COLEC10: variants seen among roughly 807,000 people sequenced by gnomAD.
The protein encoded by COLEC10 is collectin-10.
In COLEC10, 22 loss-of-function variants were observed where a neutral mutation model predicts 28.4. The ratio of observed to expected loss-of-function variants is 0.78; its 90% confidence interval spans 0.55 to 1.11. The LOEUF (loss-of-function observed/expected upper bound fraction) is 1.11. COLEC10 is among the 50% of genes least tolerant of loss of function. The pLI, the probability that COLEC10 is intolerant of heterozygous loss-of-function variation, is 0.00. For synonymous variants in COLEC10, 125 were observed against 116.1 expected (o/e 1.08, Z -0.49); for missense variants, 361 against 344.1 (o/e 1.05, Z -0.39).
intron 3 of COLEC10, among the ~76,000 whole-genome samples, chr8:119,094,940 G>T (rs1335653255): frequency 6.6e-6 from 1 of 152,144 alleles, no homozygotes; most frequent in East Asian, 1.9e-4. Context: ...GACTGGGAAT[G>T]AAATTAGCAC....
intron 2 of COLEC10, among the ~76,000 whole-genome samples, chr8:119,048,415 T>C (rs1814620221): frequency 6.6e-6 from 1 of 152,210 alleles, no homozygotes; most frequent in South Asian, 2.1e-4. Context: ...TTTTATGACT[T>C]GATAATCTAA....
At chr8:119,075,576 A>G (rs886479102) in intron 1 of COLEC10, among the ~76,000 whole-genome samples, 1 of 152,196 alleles carries the variant, frequency 6.6e-6, no homozygotes, top group African/African-American at 2.4e-5. Context: ...AGACACTTGT[A>G]TCTGTTAAAC....
chr8:119,016,142 T>C (rs1813987124), intron 2 of COLEC10, among the ~76,000 whole-genome samples: 1 of 152,112 alleles, frequency 6.6e-6, no homozygotes, highest in Admixed American at 6.6e-5. Flanking sequence ...AAGCCCCACA[T>C]GCATTAGGTA....
intron 1 of COLEC10, among the ~76,000 whole-genome samples, chr8:119,005,396 TAC>T (rs1169882673): frequency 2.0e-5 from 3 of 152,178 alleles, no homozygotes; most frequent in Non-Finnish European, 2.9e-5. Flanking sequence ...GTCCTCAAGC[TAC>T]ACAGTTTTTC....
At chr8:119,054,078 G>A (rs1814723866) in intron 2 of COLEC10, among the ~76,000 whole-genome samples, 1 of 152,002 alleles carries the variant, frequency 6.6e-6, no homozygotes, top group Non-Finnish European at 1.5e-5. Context: ...TATTACAACA[G>A]TATCTCTCAT....
At chr8:119,002,895 C>A (rs1813726685) in intron 1 of COLEC10, among the ~76,000 whole-genome samples, 1 of 152,110 alleles carries the variant, frequency 6.6e-6, no homozygotes, top group African/African-American at 2.4e-5. Context: ...CTAAACCTGA[C>A]TTTATTTCCT....
chr8:119,043,243 AG>A (rs1387285427), intron 2 of COLEC10, among the ~76,000 whole-genome samples: 1 of 152,222 alleles, frequency 6.6e-6, no homozygotes, highest in African/African-American at 2.4e-5. Context: ...ACACCTCTAA[AG>A]TTACATGGGC....
Position 119,100,759 on chromosome 8 carries a change from A to G in COLEC10, c.293-1589A>G, listed in dbSNP as rs143518381. Among the ~76,000 whole-genome samples, 329 of 152,234 alleles carry G rather than the reference A, an allele frequency of 2.2e-3. 1 individual carries two copies. Among genetic ancestry groups the G allele is most frequent in the African/African-American group, 7.5e-3 (312 of 41,544 alleles). ...TCTCTCACAACATGTATCACGTTCC[A>G]TTGGTATAGATTTCACCGTTGTCTC... On this transcript the variant is annotated intron_variant, in intron 3 of 5. Coordinates refer to ENST00000332843, the MANE Select transcript of COLEC10 (RefSeq NM_006438.5).
chr8:119,005,966 T>G (rs755818964), intron 1 of COLEC10, among the ~76,000 whole-genome samples: 78 of 152,078 alleles, frequency 5.1e-4, no homozygotes, highest in Admixed American at 2.6e-4. Flanking sequence ...TCCCCACCAT[T>G]CTCATTTAGG....
At chr8:119,008,768 G>C (rs1268583379) in intron 1 of COLEC10, among the ~76,000 whole-genome samples, 3 of 150,794 alleles carry the variant, frequency 2.0e-5, no homozygotes, top group African/African-American at 7.4e-5. Flanking sequence ...AAGTAATTAC[G>C]GTTTTTGCCA....
intron 1 of COLEC10, among the ~76,000 whole-genome samples, chr8:119,075,747 G>A (rs1213401355): frequency 6.6e-6 from 1 of 152,086 alleles, no homozygotes. Context: ...CCACACAGTT[G>A]TGAGTTATCT....
At chr8:118,956,615 C>T in the COLEC10 span, among the ~76,000 whole-genome samples, 1 of 152,012 alleles carries the variant, frequency 6.6e-6, no homozygotes, top group Non-Finnish European at 1.5e-5. Flanking sequence ...CTACTCAGTC[C>T]CAAGAAATCA....
intron 2 of COLEC10, among the ~76,000 whole-genome samples, chr8:119,017,939 G>A (rs958699238): frequency 2.6e-5 from 4 of 152,140 alleles, no homozygotes; most frequent in African/African-American, 7.2e-5. Context: ...ACTTGGCATC[G>A]AATTCATGAG....
At chr8:118,999,838 A>C (rs1016487031) in intron 1 of COLEC10, among the ~76,000 whole-genome samples, 1 of 152,194 alleles carries the variant, frequency 6.6e-6, no homozygotes, top group African/African-American at 2.4e-5. Context: ...CAACAGTTCA[A>C]TTACAGTGAG....
At chr8:119,027,411 A>T (rs1224337894) in intron 2 of COLEC10, among the ~76,000 whole-genome samples, 1 of 152,096 alleles carries the variant, frequency 6.6e-6, no homozygotes, top group Non-Finnish European at 1.5e-5. Context: ...GTATGCTGTC[A>T]TCTGGATTAT....
At chr8:119,025,648 T>C (rs778928565) in intron 2 of COLEC10, among the ~76,000 whole-genome samples, 35 of 152,194 alleles carry the variant, frequency 2.3e-4, no homozygotes, top group Non-Finnish European at 4.3e-4. Flanking sequence ...GAATTCCCTT[T>C]TGGGAACCTC....
At chr8:119,010,075 G>A (rs1270532982) in intron 2 of COLEC10, among the ~76,000 whole-genome samples, 1 of 150,712 alleles carries the variant, frequency 6.6e-6, no homozygotes, top group African/African-American at 2.5e-5. Context: ...TACATTCTGT[G>A]GGTTCAGAAT....
chr8:119,034,746 G>A (rs1312412468), intron 2 of COLEC10, among the ~76,000 whole-genome samples: 1 of 152,124 alleles, frequency 6.6e-6, no homozygotes, highest in African/African-American at 2.4e-5. Flanking sequence ...TCTTACTCTT[G>A]GGACTTAGAA....
chr8:119,003,602 T>C (rs978006036), intron 1 of COLEC10, among the ~76,000 whole-genome samples: 2 of 152,038 alleles, frequency 1.3e-5, no homozygotes, highest in Non-Finnish European at 2.9e-5. Context: ...GCTCAGAGGA[T>C]GAATTAATGG....
Sources: gnomAD v4.1 joint callset for allele counts (sites outside exome capture counted in the v4.1 genomes callset) on GRCh38, gnomAD v4.1.1 for gene constraint, MANE v1.5 for transcripts, NCBI Gene and HGNC (gene_info 2026-07-23, HGNC 2026-07-21) for gene names.